BBOX1: variants seen among roughly 807,000 people sequenced by gnomAD.
BBOX1 encodes the protein gamma-butyrobetaine hydroxylase 1, also known as gamma-butyrobetaine dioxygenase.
BBOX1 carries 35 observed loss-of-function variants against 41.6 expected under a neutral mutation model. The ratio of observed to expected loss-of-function variants is 0.84; its 90% CI spans 0.64 to 1.11. BBOX1 has a LOEUF of 1.11. Among genes scored for constraint, BBOX1 ranks in the 50% most tolerant of loss-of-function variants. BBOX1 has a pLI of 0.00. For synonymous variants in BBOX1, 163 were observed against 154.7 expected, an observed-to-expected ratio of 1.05 and a Z score of -0.40; for missense variants, 458 against 460.6, an observed-to-expected ratio of 0.99 and a Z score of 0.05.
intron 4 of BBOX1, among the ~76,000 whole-genome samples, chr11:27,088,323 A>ACCTTAAG (rs1858117342): frequency 6.6e-6 from 1 of 152,072 alleles, no homozygotes; most frequent in Non-Finnish European, 1.5e-5. Flanking sequence ...CTGGAAAGTG[A>ACCTTAAG]TAATGACCTT....
intron 5 of BBOX1, among the ~76,000 whole-genome samples, chr11:27,106,643 C>T (rs372157631): frequency 6.6e-6 from 1 of 152,052 alleles, no homozygotes; most frequent in Admixed American, 6.5e-5. Context: ...TAATGGGAGA[C>T]TTTAACACCC....
chr11:27,103,103 T>A (rs1300437636), intron 5 of BBOX1, among the ~76,000 whole-genome samples: 2 of 152,020 alleles, frequency 1.3e-5, no homozygotes, highest in Non-Finnish European at 2.9e-5. Context: ...GGCAGGAGAA[T>A]CTCTTGAACC....
At chr11:27,094,601 C>T (rs1858371338) in intron 5 of BBOX1, among the ~76,000 whole-genome samples, 1 of 151,966 alleles carries the variant, frequency 6.6e-6, no homozygotes, top group Admixed American at 6.6e-5. Flanking sequence ...GGTAGACTCA[C>T]TCTCCAGTTT....
At chr11:27,121,174 A>G (rs1284501902) in intron 7 of BBOX1, among the ~76,000 whole-genome samples, 1 of 152,090 alleles carries the variant, frequency 6.6e-6, no homozygotes, top group Non-Finnish European at 1.5e-5. Context: ...CAGTTTCCCG[A>G]AACTGCTAGA....
intron 4 of BBOX1, among the ~76,000 whole-genome samples, chr11:27,060,252 A>C (rs1203690974): frequency 2.0e-5 from 3 of 152,044 alleles, no homozygotes; most frequent in African/African-American, 7.2e-5. Flanking sequence ...GGTTGTTTTA[A>C]GGTGTGTAGC....
chr11:27,097,047 T>A (rs552269895), intron 5 of BBOX1, among the ~76,000 whole-genome samples: 1 of 152,004 alleles, frequency 6.6e-6, no homozygotes, highest in Admixed American at 6.6e-5. Flanking sequence ...ATGAATACTT[T>A]CCTAGGACAA....
At chr11:27,087,513 T>G (rs12290117) in intron 4 of BBOX1, among the ~76,000 whole-genome samples, 10,178 of 152,220 alleles carry the variant, frequency 0.067, 1,132 homozygotes, top group African/African-American at 0.23. Flanking sequence ...GACTACAGTA[T>G]AATGTAAACA....
intron 4 of BBOX1, among the ~76,000 whole-genome samples, chr11:27,067,738 A>G (rs1200229383): frequency 1.3e-5 from 2 of 151,910 alleles, no homozygotes; most frequent in African/African-American, 4.8e-5. Flanking sequence ...TCCAGCCTGT[A>G]CGACAGAGCG....
intron 4 of BBOX1, among the ~76,000 whole-genome samples, chr11:27,076,316 C>A (rs917514492): frequency 6.6e-6 from 1 of 152,144 alleles, no homozygotes; most frequent in African/African-American, 2.4e-5. Flanking sequence ...TTATAAATAA[C>A]CTTAGTGTGT....
rs1859629180 is a variant in BBOX1, at chr11:27,125,760, A to G, written c.943A>G (p.Lys315Glu). The change falls in exon 8 of 9, where the codon AAG (lysine) becomes GAG (glutamate). Residue 315 changes from lysine (K) to glutamate (E), a missense_variant. By Grantham distance (56) the Lys-to-Glu change is moderately conservative (BLOSUM62 1). Coordinates refer to ENST00000263182, the MANE Select transcript of BBOX1 (RefSeq NM_003986.3). ...ERVQPFYAALKEFVDLMNSKE... is the reference protein window; with the variant it reads ...ERVQPFYAALEEFVDLMNSKE... ...AGTTCAGCCTTTTTATGCTGCTCTG[A>G]AGGAGTTTGTTGACCTCATGAACAG... is the stretch of plus-strand genomic sequence containing the variant. 1.2e-6 allele frequency: 2 copies of G among 1,613,800 alleles called. No homozygotes were observed. The highest frequency in any genetic ancestry group is 2.2e-5 in the South Asian group (2 of 91,044).
intron 6 of BBOX1, among the ~76,000 whole-genome samples, chr11:27,116,995 C>T (rs186192327): frequency 2.8e-4 from 42 of 152,118 alleles, no homozygotes; most frequent in African/African-American, 9.1e-4. Flanking sequence ...AGGAGAATCT[C>T]TGGGTGGACA....
intron 6 of BBOX1, among the ~76,000 whole-genome samples, chr11:27,116,379 G>A (rs1242005076): frequency 6.6e-6 from 1 of 151,726 alleles, no homozygotes; most frequent in African/African-American, 2.4e-5. Flanking sequence ...TGTAGATCAC[G>A]GGTTGATAGA....
chr11:27,059,409 A>C (rs547456143), intron 4 of BBOX1, among the ~76,000 whole-genome samples: 1 of 152,230 alleles, frequency 6.6e-6, no homozygotes, highest in Non-Finnish European at 1.5e-5. Flanking sequence ...TGGGTGCCCA[A>C]GCAGAAGCCT....
At chr11:27,111,342 T>C (rs934447586) in intron 5 of BBOX1, among the ~76,000 whole-genome samples, 5 of 151,716 alleles carry the variant, frequency 3.3e-5, no homozygotes, top group Non-Finnish European at 7.4e-5. Flanking sequence ...TAGGAACTAC[T>C]AGAGTGGGGA....
At position 27,127,641 on chromosome 11, in the gene BBOX1, C is replaced by G. The variant is rs891499518; in HGVS notation, c.*188C>G. Reference sequence around the variant, plus strand: ...TGTCAACTTTTTAGATGTTTCACCACTCTTTTGCAAATAAAGCATCCTTTC... The same window carrying G: ...TGTCAACTTTTTAGATGTTTCACCAGTCTTTTGCAAATAAAGCATCCTTTC... On this transcript the variant is annotated 3_prime_UTR_variant, in exon 9 of 9. Transcript: ENST00000263182. The G allele has an allele frequency of 3.1e-5, 20 of 647,114 alleles. No homozygotes were observed. The highest frequency in any genetic ancestry group is 2.2e-4 in the Admixed American group (6 of 26,792). The allele number at this position is 647,114 out of a possible 1,614,324, so 40.1% of individuals were successfully genotyped here. A position where few individuals can be genotyped will look rare whatever the true frequency, so the allele number is the denominator to read the frequency against.
At chr11:27,072,160 A>C (rs1040667388) in intron 4 of BBOX1, among the ~76,000 whole-genome samples, 2 of 152,212 alleles carry the variant, frequency 1.3e-5, no homozygotes, top group African/African-American at 4.8e-5. Context: ...ATGATTGTAT[A>C]TTTAGAAAAC....
At chr11:27,063,716 T>C (rs930590755) in intron 4 of BBOX1, among the ~76,000 whole-genome samples, 3 of 152,102 alleles carry the variant, frequency 2.0e-5, no homozygotes, top group African/African-American at 7.2e-5. Context: ...TGGCAGTCTT[T>C]ACCATCTACT....
intron 5 of BBOX1, among the ~76,000 whole-genome samples, chr11:27,104,320 C>G (rs538282304): frequency 1.0e-3 from 155 of 152,270 alleles, no homozygotes; most frequent in African/African-American, 3.1e-3. Context: ...TCTCTGCTTT[C>G]TCCTACACAG....
At chr11:27,115,652 T>C (rs1281169678) in intron 6 of BBOX1, 95 bp downstream of exon 6, 1 of 1,100,316 alleles carries the variant, frequency 9.1e-7, no homozygotes, top group Non-Finnish European at 1.3e-6. Flanking sequence ...CACCAGGTAG[T>C]TTGTCTTTTA....
Sources: gnomAD v4.1 joint callset for allele counts (sites outside exome capture counted in the v4.1 genomes callset) on GRCh38, gnomAD v4.1.1 for gene constraint, MANE v1.5 for transcripts, NCBI Gene and HGNC (gene_info 2026-07-23, HGNC 2026-07-21) for gene names.